Variants in WWC1 observed in about 807,000 individuals in gnomAD.
WWC1 encodes WW and C2 domain containing 1, also known as protein KIBRA.
A neutral mutation model predicts 138.4 loss-of-function variants in WWC1; 55 were observed. The ratio of observed to expected loss-of-function variants is 0.40; its 90% CI spans 0.32 to 0.50. The LOEUF is 0.50. Among genes scored for constraint, WWC1 ranks in the 20% least tolerant of loss-of-function variants. The pLI, the probability that WWC1 is intolerant of heterozygous loss-of-function variation, is 0.72. For synonymous variants in WWC1, 524 were observed against 564.9 expected, an observed-to-expected ratio of 0.93 and a Z score of 1.03; for missense variants, 1,226 against 1,420.4, an observed-to-expected ratio of 0.86 and a Z score of 2.20.
chr5:168,407,717 C>A (rs1029245026), intron 6 of WWC1, among the ~76,000 whole-genome samples: 8 of 152,106 alleles, frequency 5.3e-5, no homozygotes, highest in Admixed American at 2.6e-4. Flanking sequence ...AATCATAGGT[C>A]ATTCTTTGTA....
intron 18 of WWC1, 67 bp from the exon 19 acceptor site, chr5:168,455,289 G>A: frequency 6.7e-7 from 1 of 1,495,482 alleles, no homozygotes; most frequent in South Asian, 1.4e-5. Context: ...GAGCAGCTGA[G>A]TGGTCTCTGG....
At chr5:168,438,252 C>T (rs1465555774) in intron 15 of WWC1, among the ~76,000 whole-genome samples, 2 of 152,100 alleles carry the variant, frequency 1.3e-5, no homozygotes, top group African/African-American at 4.8e-5. Flanking sequence ...ATTGTAGCCC[C>T]CATAATCCCC....
intron 19 of WWC1, among the ~76,000 whole-genome samples, chr5:168,456,952 A>T (rs1756385789): frequency 6.7e-6 from 1 of 148,990 alleles, no homozygotes; most frequent in Admixed American, 6.6e-5. Flanking sequence ...TTTTTAAGTG[A>T]CCCTTTTCCA....
intron 3 of WWC1, among the ~76,000 whole-genome samples, chr5:168,394,178 A>G (rs1218764359): frequency 1.3e-5 from 2 of 152,174 alleles, no homozygotes; most frequent in African/African-American, 2.4e-5. Context: ...AATGCCGAAA[A>G]CAGAAAAGAT....
chr5:168,376,140 G>A (rs1219257617), intron 2 of WWC1, among the ~76,000 whole-genome samples: 4 of 150,490 alleles, frequency 2.7e-5, no homozygotes, highest in East Asian at 2.0e-4. Flanking sequence ...TGCAACCTCC[G>A]CCTCCCGAGT....
chr5:168,335,346 C>G (rs183310374), intron 1 of WWC1, among the ~76,000 whole-genome samples: 125 of 152,348 alleles, frequency 8.2e-4, no homozygotes, highest in African/African-American at 2.9e-3. Context: ...CTAGGCCAGC[C>G]ATGGCGGCTC....
intron 2 of WWC1, among the ~76,000 whole-genome samples, chr5:168,382,306 A>T (rs956136699): frequency 3.4e-4 from 52 of 152,248 alleles, no homozygotes; most frequent in African/African-American, 1.2e-3. Context: ...ATGTGTAAAC[A>T]AAAATTCATG....
intron 8 of WWC1, among the ~76,000 whole-genome samples, chr5:168,413,706 A>G (rs545781569): frequency 6.6e-6 from 1 of 152,310 alleles, no homozygotes; most frequent in South Asian, 2.1e-4. Flanking sequence ...ACACAGTGCC[A>G]CTACCTGTCT....
At chr5:168,468,849 C>T (rs990542620) in intron 22 of WWC1, 102 bp from the exon 23 acceptor site, 19 of 1,221,954 alleles carry the variant, frequency 1.6e-5, no homozygotes, top group Middle Eastern at 3.9e-4. Flanking sequence ...CATTCTGCAG[C>T]GAATGTATAG....
At position 168,468,999 on chromosome 5, in the gene WWC1, C is replaced by G. The variant is rs1405503385; in HGVS notation, c.3324C>G (p.Leu1108=). ...GGCCTCGGATGAATATCCCAGCTCTCTCTGCAGATGACGTCTAATCGCCAG... is the reference window on the plus strand; with the variant it reads ...GGCCTCGGATGAATATCCCAGCTCTGTCTGCAGATGACGTCTAATCGCCAG... ...FTRPRMNIPA[L]SADDV The change falls in exon 23 of 23, where the codon CTC becomes CTG. Residue 1108 remains leucine, a synonymous_variant. Transcript: ENST00000265293. 1.2e-6 allele frequency: 2 copies of G among 1,614,104 alleles called. No individual in the cohort carries two copies. Among genetic ancestry groups the G allele is most frequent in the African/African-American group, 1.3e-5 (1 of 74,932 alleles).
chr5:168,339,987 C>T (rs1240460318), intron 1 of WWC1, among the ~76,000 whole-genome samples: 1 of 95,586 alleles, frequency 1.0e-5, no homozygotes, highest in African/African-American at 3.6e-5. Flanking sequence ...TTCTCTCTTT[C>T]TCTCTCTCTC....
At position 168,455,456 on chromosome 5, in the gene WWC1, G is replaced by A. The variant is rs765981427; in HGVS notation, c.2759G>A (p.Arg920Gln). ...VGTPSQGPFL[R>Q]GSTIIRSKTF... is the part of the protein sequence containing the mutation. ...ACCCCGTCCCAGGGGCCATTTCTTC[G>A]AGGGAGCACCATCATCCGCTCTAAG... is the stretch of plus-strand genomic sequence containing the variant. Residue 920 changes from arginine (R) to glutamine (Q), a missense_variant, in exon 19 of 23, where the codon CGA (arginine) becomes CAA (glutamine). By Grantham distance (43) the Arg-to-Gln change is conservative. Coordinates refer to ENST00000265293, the MANE Select transcript of WWC1 (RefSeq NM_015238.3). 8.1e-6 allele frequency: 13 copies of A among 1,612,744 alleles called. No homozygotes were observed. Among genetic ancestry groups the A allele is most frequent in the African/African-American group, 2.7e-5 (2 of 74,864 alleles).
chr5:168,362,688 G>A (rs73801888), intron 1 of WWC1, among the ~76,000 whole-genome samples: 10,498 of 152,294 alleles, frequency 0.069, 560 homozygotes, highest in African/African-American at 0.15. Flanking sequence ...CACACAGAGG[G>A]GATTAGCAGC....
chr5:168,384,713 C>CTTTTTTT (rs762052940), intron 2 of WWC1, among the ~76,000 whole-genome samples: 4 of 99,634 alleles, frequency 4.0e-5, no homozygotes, highest in East Asian at 2.9e-4. Context: ...CTGGTTTATT[C>CTTTTTTT]TTTTTTTTTT....
intron 8 of WWC1, chr5:168,414,051 G>A (rs944840684): frequency 5.5e-6 from 2 of 366,832 alleles, no homozygotes; most frequent in Non-Finnish European, 1.0e-5. Flanking sequence ...CACAGCCAGT[G>A]CTAAGAGGTT....
At chr5:168,341,687 T>C (rs181493575) in intron 1 of WWC1, among the ~76,000 whole-genome samples, 5 of 147,650 alleles carry the variant, frequency 3.4e-5, no homozygotes, top group African/African-American at 1.2e-4. Context: ...GCGGTGCAGG[T>C]GTCATTTGCT....
At chr5:168,294,615 G>T (rs990839846) in intron 1 of WWC1, among the ~76,000 whole-genome samples, 3 of 151,836 alleles carry the variant, frequency 2.0e-5, no homozygotes, top group South Asian at 2.1e-4. Flanking sequence ...TTTGCTTTTG[G>T]TTTTTTTGTT....
intron 15 of WWC1, among the ~76,000 whole-genome samples, chr5:168,441,395 C>A (rs1238677816): frequency 1.3e-5 from 2 of 151,652 alleles, no homozygotes; most frequent in Non-Finnish European, 2.9e-5. Flanking sequence ...TTAAAAGCGG[C>A]AAAGATGGTA....
At position 168,396,258 on chromosome 5, in the gene WWC1, C is replaced by A. The variant is rs144164842; in HGVS notation, c.434-1466C>A. ...ATTATCCGGGCATGGTGGAGCGTAC[C>A]TGTAATCCCAGCTACTCAGGAGGCT... On this transcript the variant is annotated intron_variant, in intron 3 of 22. Transcript: ENST00000265293. Among the ~76,000 whole-genome samples the A allele has an allele frequency of 8.5e-3, 1,295 of 152,298 alleles. 21 individuals carry two copies. The highest frequency in any genetic ancestry group is 0.03 in the African/African-American group (1,248 of 41,552).
Sources: gnomAD v4.1 joint callset for allele counts (sites outside exome capture counted in the v4.1 genomes callset) on GRCh38, gnomAD v4.1.1 for gene constraint, MANE v1.5 for transcripts, NCBI Gene and HGNC (gene_info 2026-07-23, HGNC 2026-07-21) for gene names.